FAM13C: variants seen among roughly 807,000 people sequenced by gnomAD.
The protein encoded by FAM13C is protein FAM13C.
FAM13C carries 37 observed loss-of-function variants against 73.2 expected under a neutral mutation model. That is an observed-to-expected ratio of 0.51 (90% CI 0.39 to 0.67). The LOEUF (loss-of-function observed/expected upper bound fraction) is 0.67. Ranked by LOEUF, FAM13C falls within the 30% of genes least tolerant of loss-of-function variation. The pLI is 0.00. For missense variants in FAM13C, 589 were observed against 715.6 expected (o/e 0.82, Z 2.02); for synonymous variants, 246 against 260.9 (o/e 0.94, Z 0.55).
intron 4 of FAM13C, among the ~76,000 whole-genome samples, chr10:59,317,813 A>G (rs1214767996): frequency 6.6e-6 from 1 of 151,966 alleles, no homozygotes; most frequent in East Asian, 1.9e-4. Context: ...TTACATATGT[A>G]TACATGTGCC....
chr10:59,283,559 A>C, intron 5 of FAM13C, 112 bp from the exon 6 acceptor site: 1 of 1,034,634 alleles, frequency 9.7e-7, no homozygotes, highest in Non-Finnish European at 1.5e-6. Flanking sequence ...TGCCTAACAC[A>C]CAACAGTGTG....
intron 4 of FAM13C, among the ~76,000 whole-genome samples, chr10:59,305,464 T>C (rs1848148309): frequency 1.3e-5 from 2 of 152,346 alleles, no homozygotes; most frequent in South Asian, 2.1e-4. Flanking sequence ...TAAAAAGATT[T>C]CTTTGGGGAC....
Position 59,281,387 on chromosome 10 carries a change from G to A in FAM13C, c.592+1976C>T, listed in dbSNP as rs79659204. 9.5e-3 allele frequency among the ~76,000 whole-genome samples: 1,440 copies of A among 152,214 alleles called. 5 individuals are homozygous for A. Among genetic ancestry groups the A allele is most frequent in the Admixed American group, 0.021 (318 of 15,292 alleles). On this transcript the variant is annotated intron_variant, in intron 6 of 13. Transcript: ENST00000618804. ...ACCATCCCATAATTTAAGTCACAAA[G>A]GCACCTTACAACTGCCTGTCACTTT...
intron 5 of FAM13C, among the ~76,000 whole-genome samples, chr10:59,302,110 A>C (rs943988085): frequency 2.6e-5 from 4 of 152,222 alleles, no homozygotes; most frequent in African/African-American, 9.6e-5. Flanking sequence ...AGACGTACTA[A>C]ATACCACCTA....
intron 3 of FAM13C, among the ~76,000 whole-genome samples, chr10:59,344,445 A>ATT (rs34409864): frequency 0.04 from 5,699 of 143,546 alleles, 394 homozygotes; most frequent in African/African-American, 0.14. Flanking sequence ...CGCACGGCTG[A>ATT]TTTTTTTTTT....
Position 59,325,371 on chromosome 10 carries a change from G to A in FAM13C, c.325-1265C>T, listed in dbSNP as rs7097165. ...CATATGAATGCCTTCATACAAAAGG[G>A]GTAAAATGGGAACAGCTGGGCAGAG... On this transcript the variant is annotated intron_variant, in intron 3 of 13. Transcript: ENST00000618804. Among the ~76,000 whole-genome samples the A allele has an allele frequency of 5.1e-3, 770 of 152,164 alleles. 10 individuals carry two copies. The highest frequency in any genetic ancestry group is 0.018 in the African/African-American group (730 of 41,520).
At chr10:59,249,485 CCATTATATAAAA>C (rs1564470590) in intron 13 of FAM13C, among the ~76,000 whole-genome samples, 1 of 151,208 alleles carries the variant, frequency 6.6e-6, no homozygotes, top group Non-Finnish European at 1.5e-5. Context: ...AGGAGTTTCT[CCATTATATAAAA>C]CATACTAAAG....
chr10:59,343,184 A>C (rs1489867774), intron 3 of FAM13C, among the ~76,000 whole-genome samples: 5 of 152,216 alleles, frequency 3.3e-5, no homozygotes, highest in Non-Finnish European at 5.9e-5. Flanking sequence ...ATTTGGAAGA[A>C]AAGAAGAAAT....
chr10:59,272,467 C>T (rs1352038155), intron 6 of FAM13C, among the ~76,000 whole-genome samples: 1 of 151,274 alleles, frequency 6.6e-6, no homozygotes, highest in East Asian at 1.9e-4. Context: ...AATGCTGCTG[C>T]TGTCCTGGGA....
rs114075309 is a variant in FAM13C at position 59,322,014 on chromosome 10, C to A, written c.443+1974G>T. ...GAACCAGACCTAGGTCTGGAGTGTC[C>A]CATTACAGTATCATGTCTCTATCAA... On this transcript the variant is annotated intron_variant, in intron 4 of 13. Coordinates refer to ENST00000618804, the MANE Select transcript of FAM13C (RefSeq NM_198215.4). Among the ~76,000 whole-genome samples, 767 of 152,230 alleles carry A rather than the reference C, an allele frequency of 5.0e-3. 8 individuals are homozygous for A. Among genetic ancestry groups the A allele is most frequent in the African/African-American group, 0.017 (724 of 41,522 alleles).
intron 2 of FAM13C, among the ~76,000 whole-genome samples, chr10:59,353,183 C>T (rs774009957): frequency 6.6e-6 from 1 of 152,192 alleles, no homozygotes; most frequent in Admixed American, 6.5e-5. Context: ...GCTGGGATGG[C>T]ACTTGTGTTC....
intron 5 of FAM13C, among the ~76,000 whole-genome samples, chr10:59,296,390 C>T (rs12570724): frequency 2.6e-5 from 4 of 152,026 alleles, no homozygotes; most frequent in Non-Finnish European, 5.9e-5. Flanking sequence ...GATTCTTCAT[C>T]GATATCTTTG....
At chr10:59,330,107 A>T (rs1051053197) in intron 3 of FAM13C, among the ~76,000 whole-genome samples, 3 of 152,196 alleles carry the variant, frequency 2.0e-5, no homozygotes, top group African/African-American at 7.2e-5. Flanking sequence ...ATAGGCCCAA[A>T]CAGCTTTGAT....
intron 4 of FAM13C, among the ~76,000 whole-genome samples, chr10:59,312,958 G>A (rs970476595): frequency 1.3e-5 from 2 of 152,158 alleles, no homozygotes; most frequent in Admixed American, 1.3e-4. Flanking sequence ...GATTTCATCT[G>A]TTCAGCATTT....
chr10:59,323,937 C>G (rs1850715772), intron 4 of FAM13C, 51 bp downstream of exon 4: 1 of 1,434,296 alleles, frequency 7.0e-7, no homozygotes, highest in African/African-American at 1.5e-5. Flanking sequence ...CACAGCATTT[C>G]TGAGAAAGGA....
chr10:59,353,046 C>T (rs938050831), intron 2 of FAM13C, among the ~76,000 whole-genome samples: 1 of 152,208 alleles, frequency 6.6e-6, no homozygotes, highest in African/African-American at 2.4e-5. Flanking sequence ...TTTTGATAGG[C>T]ATGGGCCAAA....
chr10:59,317,463 T>C (rs1393170310), intron 4 of FAM13C, among the ~76,000 whole-genome samples: 2 of 152,158 alleles, frequency 1.3e-5, no homozygotes, highest in Non-Finnish European at 2.9e-5. Flanking sequence ...CTCCTAGAAA[T>C]ATCATTTCTA....
At chr10:59,302,920 C>T (rs1377025533) in intron 4 of FAM13C, 56 bp from the exon 5 acceptor site, 2 of 1,519,482 alleles carry the variant, frequency 1.3e-6, no homozygotes, top group Non-Finnish European at 1.8e-6. Context: ...CAGTGATGTA[C>T]ATGTGAAGCT....
At chr10:59,328,087 T>G (rs142517519) in intron 3 of FAM13C, among the ~76,000 whole-genome samples, 1 of 152,172 alleles carries the variant, frequency 6.6e-6, no homozygotes. Flanking sequence ...TCACCCCTAG[T>G]ATGTCCCAAG....
Sources: allele counts gnomAD v4.1 joint callset (sites outside exome capture counted in the v4.1 genomes callset), GRCh38; gene constraint gnomAD v4.1.1; transcripts MANE v1.5; gene names NCBI Gene and HGNC (gene_info 2026-07-23, HGNC 2026-07-21).